Variants in SH3RF3 observed in about 807,000 individuals in gnomAD.
The protein encoded by SH3RF3 is SH3 domain containing ring finger 3, also known as E3 ubiquitin-protein ligase SH3RF3.
Under a neutral mutation model 66.3 loss-of-function variants are expected in SH3RF3, and 29 were observed. That is an observed-to-expected ratio of 0.44 (90% CI 0.33 to 0.60). The LOEUF (loss-of-function observed/expected upper bound fraction) is 0.60, where lower values mean the gene tolerates loss of function less well. SH3RF3 is among the 20% of genes least tolerant of loss of function. SH3RF3 has a pLI of 0.04. For missense variants in SH3RF3, 1,194 were observed against 1,190.9 expected, an observed-to-expected ratio of 1.00 and a Z score of -0.04; for synonymous variants, 583 against 532.0, an observed-to-expected ratio of 1.10 and a Z score of -1.32.
chr2:109,131,985 A>T (rs1370487281), intron 1 of SH3RF3, among the ~76,000 whole-genome samples: 1 of 152,224 alleles, frequency 6.6e-6, no homozygotes, highest in Non-Finnish European at 1.5e-5. Flanking sequence ...AGTGGGAAGG[A>T]TTGTAATAGC....
intron 1 of SH3RF3, among the ~76,000 whole-genome samples, chr2:109,256,904 ATG>A (rs1245836662): frequency 6.6e-6 from 1 of 152,036 alleles, no homozygotes; most frequent in Non-Finnish European, 1.5e-5. Flanking sequence ...TGGCATTTTT[ATG>A]TGTTTTTCAT....
intron 1 of SH3RF3, among the ~76,000 whole-genome samples, chr2:109,268,586 GGA>G (rs1376106514): frequency 6.6e-6 from 1 of 152,198 alleles, no homozygotes; most frequent in Admixed American, 6.5e-5. Flanking sequence ...CTCGCTCCAG[GGA>G]GAGGTCCCCC....
intron 1 of SH3RF3, among the ~76,000 whole-genome samples, chr2:109,343,457 G>A (rs1682603572): frequency 6.6e-6 from 1 of 152,032 alleles, no homozygotes; most frequent in Admixed American, 6.6e-5. Flanking sequence ...GAGTCTGGCA[G>A]TCTGAGATGG....
chr2:109,140,326 T>C (rs113112132), intron 1 of SH3RF3, among the ~76,000 whole-genome samples: 144 of 152,274 alleles, frequency 9.5e-4, no homozygotes, highest in African/African-American at 3.1e-3. Context: ...AATCTACTTA[T>C]AATGCCTTTA....
intron 1 of SH3RF3, among the ~76,000 whole-genome samples, chr2:109,137,294 T>C (rs996921540): frequency 1.3e-5 from 2 of 152,228 alleles, no homozygotes; most frequent in African/African-American, 4.8e-5. Context: ...ACTTCTTCTT[T>C]CTGAATCTTT....
At chr2:109,342,330 G>A (rs913771415) in intron 1 of SH3RF3, among the ~76,000 whole-genome samples, 1 of 152,184 alleles carries the variant, frequency 6.6e-6, no homozygotes, top group African/African-American at 2.4e-5. Context: ...CCAGTCCCAG[G>A]GGACTGGTTT....
chr2:109,411,851 C>T (rs1338768755), intron 4 of SH3RF3, among the ~76,000 whole-genome samples: 1 of 152,228 alleles, frequency 6.6e-6, no homozygotes, highest in African/African-American at 2.4e-5. Flanking sequence ...TAATAGCTTA[C>T]TGTTAAATCC....
At chr2:109,178,163 A>G (rs1677971207) in intron 1 of SH3RF3, among the ~76,000 whole-genome samples, 1 of 152,238 alleles carries the variant, frequency 6.6e-6, no homozygotes, top group Non-Finnish European at 1.5e-5. Context: ...AGGGTAAGGA[A>G]AAAATATGAG....
chr2:109,470,252 A>G (rs1411964482), intron 8 of SH3RF3, among the ~76,000 whole-genome samples: 2 of 152,168 alleles, frequency 1.3e-5, no homozygotes, highest in East Asian at 3.9e-4. Context: ...TCAATAAGTG[A>G]TGGGAGTTAG....
intron 1 of SH3RF3, among the ~76,000 whole-genome samples, chr2:109,201,608 C>T (rs749461732): frequency 2.6e-5 from 4 of 152,154 alleles, no homozygotes; most frequent in Middle Eastern, 3.2e-3. Context: ...GGGACCATGC[C>T]GGGCCTCTCA....
At chr2:109,335,013 G>A (rs982608912) in intron 1 of SH3RF3, among the ~76,000 whole-genome samples, 1 of 152,210 alleles carries the variant, frequency 6.6e-6, no homozygotes, top group Non-Finnish European at 1.5e-5. Context: ...TTATGTCACC[G>A]CGTTGGCGAC....
intron 8 of SH3RF3, among the ~76,000 whole-genome samples, chr2:109,468,413 G>T (rs1309569184): frequency 6.6e-6 from 1 of 152,170 alleles, no homozygotes; most frequent in Non-Finnish European, 1.5e-5. Context: ...CATCTTATAA[G>T]ACCCCCATTG....
At chr2:109,265,296 A>G (rs893816131) in intron 1 of SH3RF3, among the ~76,000 whole-genome samples, 1 of 152,200 alleles carries the variant, frequency 6.6e-6, no homozygotes. Flanking sequence ...TGTGTTCGCC[A>G]ACTGCTGGAG....
chr2:109,325,450 C>T (rs1323349677), intron 1 of SH3RF3, among the ~76,000 whole-genome samples: 1 of 149,924 alleles, frequency 6.7e-6, no homozygotes, highest in South Asian at 2.2e-4. Flanking sequence ...TAGCAGTCCT[C>T]CCACTTCAGC....
chr2:109,272,579 G>A (rs1007784679), intron 1 of SH3RF3, among the ~76,000 whole-genome samples: 3 of 152,218 alleles, frequency 2.0e-5, no homozygotes, highest in African/African-American at 4.8e-5. Context: ...GGCTCAGAGC[G>A]CTCGTTCCTT....
At chr2:109,416,155 G>A (rs946307599) in intron 4 of SH3RF3, among the ~76,000 whole-genome samples, 6 of 152,166 alleles carry the variant, frequency 3.9e-5, no homozygotes, top group African/African-American at 7.2e-5. Context: ...GTATTCTGTC[G>A]TAAGCAACAC....
chr2:109,334,358 TAA>T (rs372662372), intron 1 of SH3RF3, among the ~76,000 whole-genome samples: 21,415 of 126,006 alleles, frequency 0.17, 1,764 homozygotes, highest in Middle Eastern at 0.23. Flanking sequence ...TTTTTTCCTT[TAA>T]AAAAAAAAAA....
chr2:109,314,076 C>G (rs552790977), intron 1 of SH3RF3, among the ~76,000 whole-genome samples: 1 of 152,060 alleles, frequency 6.6e-6, no homozygotes, highest in East Asian at 1.9e-4. Flanking sequence ...GCCGTGAGAC[C>G]CGGGGCAAGT....
Position 109,129,222 on chromosome 2 carries a change from T to G in SH3RF3, c.-319T>G. 1.9e-6 allele frequency: 1 copy of G among 537,664 alleles called. No individual in the cohort carries two copies. The highest frequency in any genetic ancestry group is 3.4e-6 in the Non-Finnish European group (1 of 292,624). 33.3% of individuals were successfully genotyped at this position (537,664 alleles called of 1,614,324 possible). The stretch of plus-strand genomic sequence containing the variant: ...CTTGCAGCACAGAACCCGTTGAGCT[T>G]CGTGCCCGGCAGCACCCCCGGTCCC... On this transcript the variant is annotated 5_prime_UTR_variant, in exon 1 of 10. Coordinates refer to ENST00000309415, the MANE Select transcript of SH3RF3 (RefSeq NM_001099289.3).
Sources: allele counts gnomAD v4.1 joint callset (sites outside exome capture counted in the v4.1 genomes callset), GRCh38; gene constraint gnomAD v4.1.1; transcripts MANE v1.5; gene names NCBI Gene and HGNC (gene_info 2026-07-23, HGNC 2026-07-21).